Variants in ECT2L observed in about 807,000 individuals in gnomAD.
ECT2L encodes epithelial cell-transforming sequence 2 oncogene-like.
ECT2L carries 126 observed loss-of-function variants against 122.8 expected under a neutral mutation model. The observed-to-expected ratio is 1.03, with a 90% confidence interval of 0.89 to 1.19. The LOEUF (loss-of-function observed/expected upper bound fraction) is 1.19, where lower values mean the gene tolerates loss of function less well. Among genes scored for constraint, ECT2L ranks in the 50% most tolerant of loss-of-function variants. ECT2L has a pLI of 0.00. For synonymous variants in ECT2L, 385 were observed against 381.8 expected, an observed-to-expected ratio of 1.01 and a Z score of -0.10; for missense variants, 1,012 against 1,064.1, an observed-to-expected ratio of 0.95 and a Z score of 0.68.
chr6:138,873,189 C>T (rs1778314489), intron 13 of ECT2L, among the ~76,000 whole-genome samples: 1 of 151,860 alleles, frequency 6.6e-6, no homozygotes, highest in Non-Finnish European at 1.5e-5. Flanking sequence ...TGTAATAAAA[C>T]TGGAAAAATG....
chr6:138,880,879 G>C, intron 14 of ECT2L, 78 bp from the exon 15 acceptor site: 1 of 1,289,434 alleles, frequency 7.8e-7, no homozygotes, highest in Non-Finnish European at 1.1e-6. Flanking sequence ...CAGCAAGGGG[G>C]GTCTCCGTGT....
chr6:138,874,404 T>G (rs1257094380), intron 13 of ECT2L, among the ~76,000 whole-genome samples: 2 of 152,236 alleles, frequency 1.3e-5, no homozygotes, highest in South Asian at 2.1e-4. Flanking sequence ...GTAAAAATTC[T>G]GGCAATTAAA....
chr6:138,835,130 A>T (rs9285487), intron 4 of ECT2L, among the ~76,000 whole-genome samples: 75,495 of 147,578 alleles, frequency 0.51, 19,841 homozygotes, highest in East Asian at 0.81. Context: ...ACTTAAAAAA[A>T]AAATTTTAGC....
chr6:138,840,797 A>T (rs140346649), intron 5 of ECT2L, among the ~76,000 whole-genome samples: 3 of 151,998 alleles, frequency 2.0e-5, no homozygotes, highest in African/African-American at 7.2e-5. Context: ...CTGAGACTTA[A>T]TATCTTTTAT....
intron 20 of ECT2L, among the ~76,000 whole-genome samples, chr6:138,899,218 A>G (rs1562499759): frequency 6.6e-6 from 1 of 152,160 alleles, no homozygotes; most frequent in Non-Finnish European, 1.5e-5. Flanking sequence ...CCTCTAAACA[A>G]AGCAAATGTC....
intron 4 of ECT2L, among the ~76,000 whole-genome samples, chr6:138,821,176 AGTTCT>A (rs1319337090): frequency 1.3e-5 from 2 of 152,196 alleles, no homozygotes; most frequent in African/African-American, 4.8e-5. Context: ...AATTTGTCCC[AGTTCT>A]GTGGGTGCCT....
chr6:138,840,028 TAA>T lies in ECT2L; in HGVS notation c.342+1515_342+1516del, dbSNP rs1358495556. 3.9e-5 allele frequency among the ~76,000 whole-genome samples: 6 copies of T among 152,352 alleles called. No individual in the cohort carries two copies. In the East Asian group the frequency reaches 1.2e-3, roughly 29 times the overall value. On this transcript the variant is annotated intron_variant, in intron 5 of 21. Transcript: ENST00000541398. ...TGACCAGAAGACTTACTGATAATGCTAAGTCGATTAACACACATTTTATATAT... is the reference window on the plus strand; with the variant it reads ...TGACCAGAAGACTTACTGATAATGCTGTCGATTAACACACATTTTATATAT...
chr6:138,844,474 C>T lies in ECT2L; in HGVS notation c.658C>T (p.Pro220Ser), dbSNP rs1304778024. The change falls in exon 7 of 22, where the codon CCC (proline) becomes TCC (serine). Residue 220 changes from proline to serine, a missense_variant. By Grantham distance (74) the Pro-to-Ser change is moderately conservative (BLOSUM62 -1). Coordinates refer to ENST00000541398, the MANE Select transcript of ECT2L (RefSeq NM_001077706.3). The part of the protein sequence containing the change: ...SGTCCSSVLK[P>S]RCQPRLSQTV... ...AACTTGCTGCTCTAGCGTGCTAAAG[C>T]CCAGATGCCAACCACGCCTCTCCCA... is the stretch of plus-strand genomic sequence containing the variant. 1 of 1,614,040 alleles carries T rather than the reference C, an allele frequency of 6.2e-7. No homozygotes were observed. Among genetic ancestry groups the T allele is most frequent in the Non-Finnish European group, 8.5e-7 (1 of 1,180,034 alleles).
At position 138,821,445 on chromosome 6, in the gene ECT2L, G is replaced by GA. The variant is rs1025455130; in HGVS notation, c.179+6853dup. Among the ~76,000 whole-genome samples, 445 of 145,042 alleles carry GA rather than the reference G, an allele frequency of 3.1e-3. 1 individual carries two copies. The highest frequency in any genetic ancestry group is 4.4e-3 in the African/African-American group (176 of 39,800). ...TCCATTCCCTCAGATGTGTCCAGAA[G>GA]AAAAAAAAAAACATTTGTTTGGGCT... On this transcript the variant is annotated intron_variant, in intron 4 of 21. Coordinates refer to ENST00000541398, the MANE Select transcript of ECT2L (RefSeq NM_001077706.3).
At chr6:138,852,222 A>T (rs925726004) in intron 9 of ECT2L, among the ~76,000 whole-genome samples, 11 of 152,206 alleles carry the variant, frequency 7.2e-5, no homozygotes, top group African/African-American at 2.7e-4. Flanking sequence ...TCATTGAGCC[A>T]CTGCACTCCA....
chr6:138,851,022 A>AAG (rs1777429917), intron 9 of ECT2L, among the ~76,000 whole-genome samples: 2 of 142,368 alleles, frequency 1.4e-5, no homozygotes, highest in Non-Finnish European at 3.1e-5. Context: ...AAAAAAAAAA[A>AAG]AGAGAAAGAG....
At chr6:138,813,462 T>C (rs1180037941) in intron 3 of ECT2L, 122 bp downstream of exon 3, 1 of 752,344 alleles carries the variant, frequency 1.3e-6, no homozygotes, top group African/African-American at 1.8e-5. Flanking sequence ...AGCTTTTCAG[T>C]TTAAACAAAA....
Position 138,838,522 on chromosome 6 carries a change from A to G in ECT2L, c.342+8A>G, listed in dbSNP as rs764613811. On this transcript the variant is annotated splice_region_variant and intron_variant, in intron 5 of 21. Coordinates refer to ENST00000541398, the MANE Select transcript of ECT2L (RefSeq NM_001077706.3). Reference sequence around the variant, plus strand: ...AAGTTTTTAACTGAACAGGTTTACTATTTGCCACTTCCTAGTAATAGGGCA... The same window carrying G: ...AAGTTTTTAACTGAACAGGTTTACTGTTTGCCACTTCCTAGTAATAGGGCA... The G allele has an allele frequency of 6.8e-6, 11 of 1,606,902 alleles. No individual in the cohort carries two copies. Among genetic ancestry groups the G allele is most frequent in the Non-Finnish European group, 8.5e-6 (10 of 1,177,412 alleles).
At chr6:138,871,288 T>C (rs11155017) in intron 13 of ECT2L, among the ~76,000 whole-genome samples, 47,200 of 152,048 alleles carry the variant, frequency 0.31, 7,721 homozygotes, top group Admixed American at 0.4. Context: ...GTCCCTAACA[T>C]AATCTCACCA....
intron 19 of ECT2L, among the ~76,000 whole-genome samples, chr6:138,887,251 G>A (rs911717826): frequency 2.7e-5 from 4 of 146,286 alleles, no homozygotes; most frequent in Middle Eastern, 3.5e-3. Flanking sequence ...TTTTGAGACC[G>A]AGTCTCACAC....
intron 20 of ECT2L, 69 bp downstream of exon 20, chr6:138,889,100 T>C (rs1447588285): frequency 7.8e-6 from 6 of 769,912 alleles, no homozygotes; most frequent in Non-Finnish European, 1.0e-5. Flanking sequence ...ACTCATCCTG[T>C]AGCTCCAGCA....
chr6:138,889,647 G>T lies in ECT2L; in HGVS notation c.2414+616G>T, dbSNP rs577834899. 2.0e-5 allele frequency among the ~76,000 whole-genome samples: 3 copies of T among 152,292 alleles called. No individual in the cohort carries two copies. The South Asian group carries it at 6.2e-4, about 32-fold the overall frequency. ...TTTTCTACTTAGCTAAGCTCCAAGT[G>T]TTGTGGGATTTTCACACCAATGATC... On this transcript the variant is annotated intron_variant, in intron 20 of 21. Coordinates refer to ENST00000541398, the MANE Select transcript of ECT2L (RefSeq NM_001077706.3).
intron 4 of ECT2L, among the ~76,000 whole-genome samples, chr6:138,827,868 T>C (rs765753835): frequency 2.6e-5 from 4 of 152,220 alleles, no homozygotes; most frequent in Non-Finnish European, 4.4e-5. Flanking sequence ...CCCTGGATTA[T>C]TTTAAAGCAA....
At chr6:138,869,526 G>C (rs1438708843) in intron 13 of ECT2L, among the ~76,000 whole-genome samples, 11 of 152,214 alleles carry the variant, frequency 7.2e-5, no homozygotes, top group Admixed American at 7.2e-4. Flanking sequence ...CAGCTCTGCA[G>C]TGAGGCTCAG....
Sources: allele counts gnomAD v4.1 joint callset (sites outside exome capture counted in the v4.1 genomes callset), GRCh38; gene constraint gnomAD v4.1.1; transcripts MANE v1.5; gene names NCBI Gene and HGNC (gene_info 2026-07-23, HGNC 2026-07-21).